The following PTPRN2 variants were observed in gnomAD, a reference collection of about 807,000 sequenced individuals.
PTPRN2 encodes receptor-type tyrosine-protein phosphatase N2.
A neutral mutation model predicts 118.8 loss-of-function variants in PTPRN2; 74 were observed. The ratio of observed to expected loss-of-function variants is 0.62; its 90% CI spans 0.52 to 0.76. The LOEUF is 0.76. Among genes scored for constraint, PTPRN2 ranks in the 30% least tolerant of loss-of-function variants. PTPRN2 has a pLI of 0.00. For missense variants in PTPRN2, 1,481 were observed against 1,394.4 expected (o/e 1.06, Z -0.99); for synonymous variants, 641 against 608.0 (o/e 1.05, Z -0.80).
At chr7:157,866,581 G>A (rs1048442746) in intron 12 of PTPRN2, among the ~76,000 whole-genome samples, 2 of 152,050 alleles carry the variant, frequency 1.3e-5, no homozygotes, top group East Asian at 1.9e-4. Context: ...CAGGAAACAC[G>A]TCCATAGAGG....
Position 157,929,088 on chromosome 7 carries a change from T to C in PTPRN2, c.1724-30351A>G, listed in dbSNP as rs936337424. Among the ~76,000 whole-genome samples, 9 of 152,174 alleles carry C rather than the reference T, an allele frequency of 5.9e-5. No homozygotes were observed. The East Asian group carries it at 1.4e-3, about 23-fold the overall frequency. ...GGGGTGCCAGGTGTCTTGCTGAAGG[T>C]TGTGAAATAAGGATCAGTGAAACGG... is the stretch of plus-strand genomic sequence containing the variant. On this transcript the variant is annotated intron_variant, in intron 11 of 22. Transcript: ENST00000389418. This position sits in a 1 kb window ranked among gnomAD's most constrained non-coding sequence, Gnocchi z 4.4.
chr7:158,136,751 C>T, intron 7 of PTPRN2, 56 bp from the exon 8 acceptor site: 1 of 1,563,886 alleles, frequency 6.4e-7, no homozygotes, highest in Non-Finnish European at 8.8e-7. Flanking sequence ...TCACAGGGTG[C>T]CACAGACATA....
At chr7:158,230,878 T>G (rs556912164) in intron 3 of PTPRN2, among the ~76,000 whole-genome samples, 3 of 152,286 alleles carry the variant, frequency 2.0e-5, no homozygotes, top group Admixed American at 2.0e-4. Context: ...AGATATAGAA[T>G]GGCTGTATGG....
rs1821810761 is a variant in PTPRN2 at position 158,156,279 on chromosome 7, A to T, written c.910+10652T>A. Among the ~76,000 whole-genome samples, 3 of 152,324 alleles carry T rather than the reference A, an allele frequency of 2.0e-5. No homozygotes were observed. In the South Asian group the frequency reaches 6.2e-4, roughly 32 times the overall value. On this transcript the variant is annotated intron_variant, in intron 6 of 22. Transcript: ENST00000389418. Reference sequence around the variant, plus strand: ...AAAAATATATCCAATTAGCTCTGGCATTAATGACATGACTTCAGTGGGGTG... The same window carrying T: ...AAAAATATATCCAATTAGCTCTGGCTTTAATGACATGACTTCAGTGGGGTG...
chr7:158,186,338 G>A (rs1585776213), intron 5 of PTPRN2, among the ~76,000 whole-genome samples: 1 of 152,142 alleles, frequency 6.6e-6, no homozygotes, highest in South Asian at 2.1e-4. Flanking sequence ...GTGTTGTTGG[G>A]GTGGGAGGGG....
intron 2 of PTPRN2, among the ~76,000 whole-genome samples, chr7:158,393,471 C>T (rs944214000): frequency 6.6e-6 from 1 of 152,128 alleles, no homozygotes; most frequent in Non-Finnish European, 1.5e-5. Context: ...AAATGGTTCC[C>T]AGAACAAAAA....
At chr7:158,273,749 A>T (rs1438390553) in intron 3 of PTPRN2, among the ~76,000 whole-genome samples, 1 of 125,104 alleles carries the variant, frequency 8.0e-6, no homozygotes, top group Non-Finnish European at 1.6e-5. Context: ...CCGCAGACAC[A>T]GGGGGAGCCA....
Position 158,438,120 on chromosome 7 carries a change from G to A in PTPRN2, c.163+51615C>T, listed in dbSNP as rs2129432133. Among the ~76,000 whole-genome samples, 1 of 152,294 alleles carries A rather than the reference G, an allele frequency of 6.6e-6. No homozygotes were observed. Among genetic ancestry groups the A allele is most frequent in the Admixed American group, 6.5e-5 (1 of 15,306 alleles). ...TGGCCAGGGGCTGTGGCTCACACCTGTCATCCCAGCACTTTGGGAGGCTGA... is the reference window on the plus strand; with the variant it reads ...TGGCCAGGGGCTGTGGCTCACACCTATCATCCCAGCACTTTGGGAGGCTGA... On this transcript the variant is annotated intron_variant, in intron 2 of 22. Coordinates refer to ENST00000389418, the MANE Select transcript of PTPRN2 (RefSeq NM_002847.5). This position sits in a 1 kb window ranked among gnomAD's most constrained non-coding sequence, Gnocchi z 4.7.
chr7:158,558,998 C>A (rs1586941429), intron 1 of PTPRN2, among the ~76,000 whole-genome samples: 1 of 152,202 alleles, frequency 6.6e-6, no homozygotes, highest in South Asian at 2.1e-4. Context: ...AGGGGCCACA[C>A]TGGGGGGTCC....
At chr7:158,459,424 G>A (rs908433101) in intron 2 of PTPRN2, among the ~76,000 whole-genome samples, 1 of 152,086 alleles carries the variant, frequency 6.6e-6, no homozygotes, top group Admixed American at 6.5e-5. Flanking sequence ...ACGGGATCCA[G>A]AATCCAGAGC....
At chr7:158,313,171 C>T (rs374654426) in intron 3 of PTPRN2, among the ~76,000 whole-genome samples, 1 of 152,134 alleles carries the variant, frequency 6.6e-6, no homozygotes, top group Non-Finnish European at 1.5e-5. Context: ...GGTACGTGTG[C>T]CTTCGCAGCA....
intron 3 of PTPRN2, among the ~76,000 whole-genome samples, chr7:158,255,387 A>G (rs1421016333): frequency 6.6e-6 from 1 of 152,194 alleles, no homozygotes; most frequent in East Asian, 1.9e-4. Context: ...GGCCACAGGG[A>G]ACAGGGAATG....
intron 1 of PTPRN2, among the ~76,000 whole-genome samples, chr7:158,557,823 CTG>C (rs1380502527): frequency 2.0e-5 from 3 of 152,200 alleles, no homozygotes; most frequent in Non-Finnish European, 4.4e-5. Flanking sequence ...CTCACACTGA[CTG>C]TGCATGGAAA....
chr7:158,320,820 C>T (rs1167285717), intron 2 of PTPRN2, among the ~76,000 whole-genome samples: 1 of 152,170 alleles, frequency 6.6e-6, no homozygotes, highest in East Asian at 1.9e-4. Flanking sequence ...GAAGCTCCCA[C>T]AGATCATGCC....
intron 12 of PTPRN2, among the ~76,000 whole-genome samples, chr7:157,820,216 C>A (rs1806732179): frequency 6.6e-6 from 1 of 150,832 alleles, no homozygotes. Flanking sequence ...CAGACCCACA[C>A]AGTCACACAC....
chr7:158,081,630 A>C (rs1269767045), intron 10 of PTPRN2, among the ~76,000 whole-genome samples: 1 of 152,214 alleles, frequency 6.6e-6, no homozygotes, highest in East Asian at 1.9e-4. Flanking sequence ...ATCCTAAAAA[A>C]TTCACATCAA....
intron 1 of PTPRN2, among the ~76,000 whole-genome samples, chr7:158,507,048 A>T (rs984042735): frequency 1.3e-5 from 2 of 152,060 alleles, no homozygotes; most frequent in Non-Finnish European, 2.9e-5. Context: ...TACTGGGGGG[A>T]ATGGGCTCTG....
intron 17 of PTPRN2, among the ~76,000 whole-genome samples, chr7:157,579,216 A>G (rs1036054928): frequency 6.6e-6 from 1 of 152,222 alleles, no homozygotes; most frequent in South Asian, 2.1e-4. Flanking sequence ...GAAATAGTCA[A>G]TATCCTCAAG....
intron 7 of PTPRN2, among the ~76,000 whole-genome samples, chr7:158,137,927 C>A (rs10949699): frequency 0.33 from 50,547 of 151,960 alleles, 8,630 homozygotes; most frequent in East Asian, 0.5. Context: ...AATGCACGCC[C>A]CAAGCAGACA....
Sources: gnomAD v4.1 joint callset for allele counts (sites outside exome capture counted in the v4.1 genomes callset) on GRCh38, gnomAD v4.1.1 for gene constraint, Gnocchi (gnomAD v3.1) non-coding constraint, MANE v1.5 for transcripts, NCBI Gene and HGNC (gene_info 2026-07-23, HGNC 2026-07-21) for gene names.